SGCD: variants seen among roughly 807,000 people sequenced by gnomAD.
The protein encoded by SGCD is sarcoglycan delta.
Under a neutral mutation model 36.6 loss-of-function variants are expected in SGCD, and 18 were observed. The ratio of observed to expected loss-of-function variants is 0.49; its 90% CI spans 0.34 to 0.73. The LOEUF is 0.73. Among genes scored for constraint, SGCD ranks in the 30% least tolerant of loss-of-function variants. The pLI is 0.01. For missense variants in SGCD, 387 were observed against 346.7 expected (o/e 1.12, Z -0.92); for synonymous variants, 133 against 130.6 (o/e 1.02, Z -0.12).
chr5:156,516,972 TG>T (rs1757204251), intron 4 of SGCD, among the ~76,000 whole-genome samples: 1 of 152,164 alleles, frequency 6.6e-6, no homozygotes, highest in Non-Finnish European at 1.5e-5. Context: ...TACTCTAGCC[TG>T]TGTGACAGAG....
At chr5:156,684,612 G>A (rs1382088821) in intron 7 of SGCD, among the ~76,000 whole-genome samples, 1 of 152,126 alleles carries the variant, frequency 6.6e-6, no homozygotes, top group East Asian at 1.9e-4. Context: ...CTGATTTCAG[G>A]CTTTAATACA....
chr5:156,665,026 C>T (rs1348005718), intron 7 of SGCD, among the ~76,000 whole-genome samples: 1 of 150,628 alleles, frequency 6.6e-6, no homozygotes, highest in Non-Finnish European at 1.5e-5. Flanking sequence ...AGGATTAAGT[C>T]TCCTAGTGGG....
intron 3 of SGCD, among the ~76,000 whole-genome samples, chr5:156,224,051 C>T (rs529298946): frequency 6.6e-6 from 1 of 151,854 alleles, no homozygotes; most frequent in African/African-American, 2.4e-5. Context: ...ATAACAATGG[C>T]TCTCATTTAT....
At chr5:156,458,003 G>T (rs1351036814) in intron 3 of SGCD, among the ~76,000 whole-genome samples, 2 of 152,058 alleles carry the variant, frequency 1.3e-5, no homozygotes, top group Non-Finnish European at 2.9e-5. Flanking sequence ...CCCAGTCCCA[G>T]CCTACAAACC....
At chr5:156,680,189 G>A (rs1435181500) in intron 7 of SGCD, among the ~76,000 whole-genome samples, 1 of 152,006 alleles carries the variant, frequency 6.6e-6, no homozygotes, top group East Asian at 1.9e-4. Context: ...CTACAAATGG[G>A]GAAACCGAGG....
intron 3 of SGCD, among the ~76,000 whole-genome samples, chr5:156,375,723 C>A (rs1770628443): frequency 6.6e-6 from 1 of 152,150 alleles, no homozygotes; most frequent in South Asian, 2.1e-4. Flanking sequence ...ATAAAAGCAT[C>A]TGAACGTTTA....
intron 3 of SGCD, among the ~76,000 whole-genome samples, chr5:156,447,680 G>C (rs1581008325): frequency 6.6e-6 from 1 of 152,086 alleles, no homozygotes; most frequent in African/African-American, 2.4e-5. Flanking sequence ...GGAGAGCATC[G>C]AGAAAAATAG....
intron 3 of SGCD, among the ~76,000 whole-genome samples, chr5:156,412,428 T>C (rs541009999): frequency 2.6e-5 from 4 of 152,304 alleles, no homozygotes; most frequent in African/African-American, 9.6e-5. Flanking sequence ...GAAATAGCAA[T>C]GGAGGGTAGC....
chr5:156,489,042 T>C (rs1299918147), intron 3 of SGCD, among the ~76,000 whole-genome samples: 1 of 152,076 alleles, frequency 6.6e-6, no homozygotes, highest in Non-Finnish European at 1.5e-5. Context: ...AGGGATTTCA[T>C]GCAAATGGAA....
At chr5:155,829,096 T>G in the SGCD span, among the ~76,000 whole-genome samples, 8 of 152,262 alleles carry the variant, frequency 5.3e-5, no homozygotes, top group Non-Finnish European at 1.0e-4. Flanking sequence ...AGTTATTAAG[T>G]CATTTCTCAC....
At chr5:156,566,074 G>A (rs1376716719) in intron 4 of SGCD, among the ~76,000 whole-genome samples, 1 of 152,098 alleles carries the variant, frequency 6.6e-6, no homozygotes, top group Non-Finnish European at 1.5e-5. Context: ...AGACATTTAT[G>A]TGGCCAAGAA....
At chr5:155,769,960 A>AT in the SGCD span, among the ~76,000 whole-genome samples, 1 of 151,192 alleles carries the variant, frequency 6.6e-6, no homozygotes, top group East Asian at 1.9e-4. Flanking sequence ...TTTCTCTTTC[A>AT]TTTTTTTATT....
At position 156,517,748 on chromosome 5, in the gene SGCD, C is replaced by T. The variant is rs115422668; in HGVS notation, c.294+9046C>T. Among the ~76,000 whole-genome samples the T allele has an allele frequency of 6.6e-3, 1,005 of 152,084 alleles. 7 individuals carry two copies. The highest frequency in any genetic ancestry group is 0.018 in the African/African-American group (731 of 41,476). On this transcript the variant is annotated intron_variant, in intron 4 of 8. Coordinates refer to ENST00000337851, the MANE Select transcript of SGCD (RefSeq NM_000337.6). ...TTTATATCTAGCCAAACTAAACTTC[C>T]TAAGTGAAGGAGAAATAAAATCATT... is the stretch of plus-strand genomic sequence containing the variant.
intron 7 of SGCD, among the ~76,000 whole-genome samples, chr5:156,679,709 A>G (rs2113679555): frequency 6.6e-6 from 1 of 152,340 alleles, no homozygotes; most frequent in East Asian, 1.9e-4. Context: ...TCTGTTCCAA[A>G]AAATCCTGCG....
intron 6 of SGCD, among the ~76,000 whole-genome samples, chr5:156,644,509 T>A (rs1268933146): frequency 6.6e-6 from 1 of 152,126 alleles, no homozygotes; most frequent in Admixed American, 6.6e-5. Context: ...TTCTACCTAT[T>A]AAATGCAGTT....
intron 3 of SGCD, among the ~76,000 whole-genome samples, chr5:156,393,587 G>C (rs912481665): frequency 6.6e-6 from 1 of 152,170 alleles, no homozygotes; most frequent in Admixed American, 6.5e-5. Context: ...TCTCTTCTCT[G>C]CTCCATGTAG....
intron 1 of SGCD, among the ~76,000 whole-genome samples, chr5:156,054,509 T>G (rs1288721737): frequency 6.9e-6 from 1 of 145,546 alleles, no homozygotes; most frequent in African/African-American, 2.5e-5. Flanking sequence ...ATGGTCTCAA[T>G]CTCCTGACCT....
chr5:156,442,634 A>G (rs78409461), intron 3 of SGCD, among the ~76,000 whole-genome samples: 5,938 of 152,272 alleles, frequency 0.039, 146 homozygotes, highest in East Asian at 0.12. Flanking sequence ...TTTTGTAACT[A>G]TCATTTATAT....
At chr5:156,228,128 T>A (rs1764904714) in intron 3 of SGCD, among the ~76,000 whole-genome samples, 4 of 152,284 alleles carry the variant, frequency 2.6e-5, no homozygotes, top group Non-Finnish European at 4.4e-5. Flanking sequence ...AATTGTTGGA[T>A]GAAAATGTTC....
Sources: allele counts gnomAD v4.1 joint callset (sites outside exome capture counted in the v4.1 genomes callset), GRCh38; gene constraint gnomAD v4.1.1; transcripts MANE v1.5; gene names NCBI Gene and HGNC (gene_info 2026-07-23, HGNC 2026-07-21).